The following UGGT2 variants were observed in gnomAD, a reference collection of about 807,000 sequenced individuals.
The protein encoded by UGGT2 is UDP-glucose:glycoprotein glucosyltransferase 2.
UGGT2 carries 180 observed loss-of-function variants against 192.1 expected under a neutral mutation model. The observed-to-expected ratio is 0.94, with a 90% CI of 0.83 to 1.06. The LOEUF (loss-of-function observed/expected upper bound fraction) is 1.06, where lower values mean the gene tolerates loss of function less well. Among genes scored for constraint, UGGT2 ranks in the 50% least tolerant of loss-of-function variants. The probability of loss-of-function intolerance (pLI) is 0.00; values close to 1 mark genes in which losing one functional copy is unlikely to be tolerated. For synonymous variants in UGGT2, 580 were observed against 591.0 expected (o/e 0.98, Z 0.27); for missense variants, 1,849 against 1,795.7 (o/e 1.03, Z -0.54).
chr13:95,859,747 A>G (rs1889982463), intron 32 of UGGT2, 72 bp from the exon 33 acceptor site: 3 of 1,143,280 alleles, frequency 2.6e-6, no homozygotes, highest in Non-Finnish European at 3.6e-6. Flanking sequence ...TTAACCTTGA[A>G]GTGTTTTTTA....
intron 4 of UGGT2, among the ~76,000 whole-genome samples, chr13:96,019,933 G>A (rs1367606508): frequency 6.6e-6 from 1 of 152,134 alleles, no homozygotes; most frequent in East Asian, 1.9e-4. Context: ...TTAGCTAAAC[G>A]TCCCAGCAGC....
At chr13:95,964,790 C>A (rs1045981526) in intron 12 of UGGT2, among the ~76,000 whole-genome samples, 1 of 152,036 alleles carries the variant, frequency 6.6e-6, no homozygotes, top group Non-Finnish European at 1.5e-5. Context: ...AAGAAACTAC[C>A]ATCAGTGTGA....
At chr13:96,049,023 C>T (rs528254005) in intron 1 of UGGT2, among the ~76,000 whole-genome samples, 24 of 152,150 alleles carry the variant, frequency 1.6e-4, no homozygotes, top group African/African-American at 5.8e-4. Flanking sequence ...GGCAGAGACA[C>T]AACAAAAAAA....
At chr13:95,857,201 C>T (rs1252100474) in intron 33 of UGGT2, among the ~76,000 whole-genome samples, 2 of 151,866 alleles carry the variant, frequency 1.3e-5, no homozygotes, top group East Asian at 3.8e-4. Flanking sequence ...AGGGGTACAA[C>T]AGCTGCCAGG....
intron 17 of UGGT2, among the ~76,000 whole-genome samples, chr13:95,930,186 TAC>T (rs1374760833): frequency 2.6e-5 from 4 of 152,194 alleles, no homozygotes; most frequent in African/African-American, 4.8e-5. Context: ...TTGTCGGATA[TAC>T]AGTTTGTGAA....
chr13:95,844,072 T>A (rs1355924624), intron 36 of UGGT2, among the ~76,000 whole-genome samples: 1 of 152,154 alleles, frequency 6.6e-6, no homozygotes, highest in African/African-American at 2.4e-5. Flanking sequence ...GTGATTCTCC[T>A]GCCTCAGCCT....
At chr13:95,843,060 A>T (rs905653277) in intron 36 of UGGT2, among the ~76,000 whole-genome samples, 1 of 152,216 alleles carries the variant, frequency 6.6e-6, no homozygotes, top group African/African-American at 2.4e-5. Context: ...GGCTTTTATG[A>T]ATAATGCTAC....
intron 20 of UGGT2, among the ~76,000 whole-genome samples, chr13:95,907,250 G>T (rs1331116309): frequency 6.6e-6 from 1 of 152,242 alleles, no homozygotes; most frequent in Non-Finnish European, 1.5e-5. Flanking sequence ...AAACAAAGCG[G>T]CTGGGAAGCT....
chr13:95,992,398 G>T (rs1057120567), intron 7 of UGGT2, among the ~76,000 whole-genome samples: 1 of 152,108 alleles, frequency 6.6e-6, no homozygotes, highest in African/African-American at 2.4e-5. Flanking sequence ...TGTGGAGATG[G>T]TTCACCTCCT....
intron 12 of UGGT2, among the ~76,000 whole-genome samples, chr13:95,964,604 C>G (rs2050507323): frequency 6.6e-6 from 1 of 152,060 alleles, no homozygotes; most frequent in Non-Finnish European, 1.5e-5. Flanking sequence ...AACAACTCAA[C>G]AATAAAATAA....
At chr13:95,928,058 C>T (rs923622948) in intron 17 of UGGT2, among the ~76,000 whole-genome samples, 4 of 152,226 alleles carry the variant, frequency 2.6e-5, no homozygotes, top group African/African-American at 9.6e-5. Context: ...CTCCTATGCC[C>T]ACTTCTTTCT....
chr13:95,911,057 G>A (rs971718711), intron 20 of UGGT2, among the ~76,000 whole-genome samples: 8 of 152,064 alleles, frequency 5.3e-5, no homozygotes, highest in African/African-American at 1.4e-4. Flanking sequence ...AAGACACAAC[G>A]TACCAGAATC....
chr13:95,941,865 C>G (rs1566734173), intron 15 of UGGT2, among the ~76,000 whole-genome samples: 1 of 152,114 alleles, frequency 6.6e-6, no homozygotes, highest in Non-Finnish European at 1.5e-5. Flanking sequence ...TCTCCCAATC[C>G]CATTTCCTTG....
chr13:95,907,524 C>T (rs1046809142), intron 20 of UGGT2, among the ~76,000 whole-genome samples: 7 of 152,182 alleles, frequency 4.6e-5, no homozygotes, highest in African/African-American at 1.7e-4. Flanking sequence ...CTCATATAGG[C>T]AGCTGCCCCT....
At chr13:95,863,450 ATCTG>A (rs1458297355) in intron 31 of UGGT2, 175 bp downstream of exon 31, 4 of 530,872 alleles carry the variant, frequency 7.5e-6, no homozygotes, top group African/African-American at 5.7e-5. Context: ...TTTTATTTTC[ATCTG>A]TCTTATAGCT....
chr13:95,927,470 C>CTTT (rs869027577), intron 17 of UGGT2, 134 bp from the exon 18 acceptor site: 32 of 243,364 alleles, frequency 1.3e-4, no homozygotes, highest in Middle Eastern at 1.4e-3. Context: ...CATTTTCTTT[C>CTTT]TTTTTTTTTT....
intron 25 of UGGT2, among the ~76,000 whole-genome samples, chr13:95,889,396 T>C (rs973127483): frequency 1.7e-4 from 26 of 152,258 alleles, no homozygotes; most frequent in African/African-American, 6.3e-4. Context: ...TAAAATCTCA[T>C]TTTCCAATGA....
chr13:95,928,374 CG>C (rs1566711772), intron 17 of UGGT2, among the ~76,000 whole-genome samples: 34 of 87,176 alleles, frequency 3.9e-4, no homozygotes, highest in East Asian at 3.2e-3. Context: ...GGCTGCCGGG[CG>C]GAGACGCTCC....
chr13:95,989,942 T>C (rs1256384829), intron 8 of UGGT2, 31 bp downstream of exon 8: 7 of 1,449,820 alleles, frequency 4.8e-6, no homozygotes, highest in East Asian at 2.3e-5. Flanking sequence ...GTTACCAAAA[T>C]GCTGTGTTAA....
Sources: gnomAD v4.1 joint callset for allele counts (sites outside exome capture counted in the v4.1 genomes callset) on GRCh38, gnomAD v4.1.1 for gene constraint, MANE v1.5 for transcripts, NCBI Gene and HGNC (gene_info 2026-07-23, HGNC 2026-07-21) for gene names.